Variants in NBPF15 observed in about 807,000 individuals in gnomAD.
NBPF15 encodes NBPF member 15, also known as NBPF family member NBPF15.
Under a neutral mutation model 62.2 loss-of-function variants are expected in NBPF15, and 74 were observed. The observed-to-expected ratio is 1.19, with a 90% CI of 0.99 to 1.44. The LOEUF is 1.44. Among genes scored for constraint, NBPF15 ranks in the 40% most tolerant of loss-of-function variants. The probability of loss-of-function intolerance (pLI) is 0.00; values close to 1 mark genes in which losing one functional copy is unlikely to be tolerated. For synonymous variants in NBPF15, 244 were observed against 209.7 expected, an observed-to-expected ratio of 1.16 and a Z score of -1.41; for missense variants, 790 against 550.0, an observed-to-expected ratio of 1.44 and a Z score of -4.36.
intron 6 of NBPF15, among the ~76,000 whole-genome samples, chr1:144,445,819 G>A (rs112920183): frequency 7.0e-6 from 1 of 143,452 alleles, no homozygotes; most frequent in Admixed American, 6.9e-5. Context: ...GTAGTTTTTG[G>A]TGTACTGGCC....
chr1:144,440,059 C>A (rs1294951343), intron 7 of NBPF15, 21 bp from the exon 8 acceptor site: 13 of 1,561,600 alleles, frequency 8.3e-6, no homozygotes, highest in Non-Finnish European at 1.1e-5. Flanking sequence ...GAAACCCAAA[C>A]ATATGATGGG....
At chr1:144,451,335 C>A (rs1422103845) in intron 4 of NBPF15, among the ~76,000 whole-genome samples, 5 of 151,888 alleles carry the variant, frequency 3.3e-5, no homozygotes, top group Admixed American at 6.6e-5. Flanking sequence ...GGGCTTTACA[C>A]CGAGACATTC....
At chr1:144,458,681 C>A (rs368750845) in intron 3 of NBPF15, among the ~76,000 whole-genome samples, 2 of 151,534 alleles carry the variant, frequency 1.3e-5, no homozygotes, top group Non-Finnish European at 2.9e-5. Flanking sequence ...CCAAACAGTG[C>A]AGAAGGAAAA....
intron 20 of NBPF15, among the ~76,000 whole-genome samples, 177 bp from the exon 21 acceptor site, chr1:144,424,152 C>G (rs1322615388): frequency 6.6e-6 from 1 of 152,022 alleles, no homozygotes; most frequent in Non-Finnish European, 1.5e-5. Context: ...CTCAGTTTTT[C>G]TCCCAGAAAC....
intron 6 of NBPF15, among the ~76,000 whole-genome samples, chr1:144,445,352 TATACAC>T (rs1431067101): frequency 6.9e-5 from 8 of 115,166 alleles, no homozygotes; most frequent in South Asian, 2.8e-4. Flanking sequence ...TATATATATA[TATACAC>T]ACACACACAC....
At position 144,426,382 on chromosome 1, in the gene NBPF15, G is replaced by A. The variant is rs782009342; in HGVS notation, c.1334C>T (p.Ser445Leu). The stretch of plus-strand genomic sequence containing the variant: ...CAGTTCAAGATAATCTGAAGGAGTC[G>A]AATAACATCTATCCAGTGAGTCCTG... ...VLQDSLDRCY[S>L]TPSDYLELPD... Residue 445 changes from serine to leucine, a missense_variant, in exon 18 of 22, where the codon TCG (serine) becomes TTG (leucine). Transcript: ENST00000581897. 66 of 838,702 alleles carry A rather than the reference G, an allele frequency of 7.9e-5. No individual in the cohort carries two copies. The highest frequency in any genetic ancestry group is 7.1e-4 in the Admixed American group (42 of 58,900). 52.0% of individuals were successfully genotyped at this position (838,702 alleles called of 1,614,324 possible).
At position 144,428,094 on chromosome 1, in the gene NBPF15, A is replaced by C. The variant is rs1347399108; in HGVS notation, c.1041-104T>G. ...CATAAGGAAGAGTTTGAAAAGAAAAAGGACAGATCCATTAATGAGGTAACA... is the reference window on the plus strand; with the variant it reads ...CATAAGGAAGAGTTTGAAAAGAAAACGGACAGATCCATTAATGAGGTAACA... On this transcript the variant is annotated intron_variant, in intron 15 of 21. Coordinates refer to ENST00000581897, the MANE Select transcript of NBPF15 (RefSeq NM_001385408.1). 1.6e-5 allele frequency: 12 copies of C among 729,794 alleles called. 1 individual carries two copies. The highest frequency in any genetic ancestry group is 1.5e-4 in the East Asian group (6 of 39,042). The allele number at this position is 729,794 out of a possible 1,614,324, so 45.2% of individuals were successfully genotyped here.
rs1490187288 is a variant in NBPF15, at chr1:144,452,024, C to T, written c.-431-1154G>A. Among the ~76,000 whole-genome samples, 16 of 151,260 alleles carry T rather than the reference C, an allele frequency of 1.1e-4. 1 individual carries two copies. The highest frequency in any genetic ancestry group is 2.0e-4 in the Admixed American group (3 of 15,198). On this transcript the variant is annotated intron_variant, in intron 4 of 21. Transcript: ENST00000581897. ...AACATTAGCCAGGTGTGGTAGCAGG[C>T]GCCTGTAATCCCAGCTATTCAGGAG... is the stretch of plus-strand genomic sequence containing the variant.
intron 5 of NBPF15, among the ~76,000 whole-genome samples, chr1:144,449,461 G>T (rs1390723480): frequency 6.7e-6 from 1 of 149,374 alleles, no homozygotes; most frequent in Non-Finnish European, 1.5e-5. Flanking sequence ...TACAAGAATG[G>T]ATCAATAAAC....
chr1:144,436,751 C>A, intron 10 of NBPF15, 144 bp downstream of exon 10: 1 of 1,113,422 alleles, frequency 9.0e-7, no homozygotes, highest in Non-Finnish European at 1.3e-6. Flanking sequence ...TCCGTTCTTA[C>A]CCAAGAAGTC....
intron 14 of NBPF15, among the ~76,000 whole-genome samples, chr1:144,429,041 CAG>C (rs1338145594): frequency 2.0e-5 from 3 of 151,892 alleles, no homozygotes; most frequent in East Asian, 3.9e-4. Context: ...ATTGTGGACA[CAG>C]AGATTTGATG....
At chr1:144,446,149 A>C (rs200660392) in intron 6 of NBPF15, among the ~76,000 whole-genome samples, 2 of 151,856 alleles carry the variant, frequency 1.3e-5, no homozygotes, top group Admixed American at 1.3e-4. Flanking sequence ...CACGGTGCCC[A>C]GTCTGTTGAA....
In NBPF15 at chr1:144,427,919, G is replaced by A. The variant is rs782615586; in HGVS notation, c.1112C>T (p.Thr371Ile). ...AGTCAGTTCAAGACAACCTGAAGGA[G>A]TTGAATAACATCTATCCAGTGAGTC... ...LQDSLDRCYS[T>I]PSGCLELTDS... Residue 371 changes from threonine to isoleucine, a missense_variant, in exon 16 of 22, where the codon ACT becomes ATT. Transcript: ENST00000581897. 5.5e-6 allele frequency: 4 copies of A among 728,738 alleles called. No homozygotes were observed. Among genetic ancestry groups the A allele is most frequent in the African/African-American group, 3.5e-5 (2 of 56,518 alleles). 45.1% of individuals were successfully genotyped at this position (728,738 alleles called of 1,614,324 possible). A position where few individuals can be genotyped will look rare whatever the true frequency, so the allele number is the denominator to read the frequency against.
At chr1:144,457,562 A>G (rs1291910616) in intron 3 of NBPF15, among the ~76,000 whole-genome samples, 1 of 152,000 alleles carries the variant, frequency 6.6e-6, no homozygotes, top group African/African-American at 2.4e-5. Context: ...ATGTTCCTTC[A>G]TTCATTCCTT....
At position 144,422,891 on chromosome 1, in the gene NBPF15, G is replaced by A; in HGVS notation, c.*122C>T. 5 of 1,603,422 alleles carry A rather than the reference G, an allele frequency of 3.1e-6. No homozygotes were observed. Among genetic ancestry groups the A allele is most frequent in the South Asian group, 1.1e-5 (1 of 88,970 alleles). On this transcript the variant is annotated 3_prime_UTR_variant, in exon 22 of 22. Transcript: ENST00000581897. ...GGCATGGTTTGAGAATAGGAATAGA[G>A]CCATGCTCACTGACCCATCCTATGT...
At chr1:144,431,656 C>A (rs1674433076) in intron 13 of NBPF15, among the ~76,000 whole-genome samples, 1 of 102,888 alleles carries the variant, frequency 9.7e-6, no homozygotes, top group Non-Finnish European at 1.9e-5. Context: ...CCCCACCCTA[C>A]AACAGGCCCC....
Position 144,431,332 on chromosome 1 carries a change from G to A in NBPF15, c.825-1469C>T, listed in dbSNP as rs1324493119. ...CTAAGGGCAGCCAGAGAGAAAGGTCGGATTACCCACAAAGGGAAGCCCATC... is the reference window on the plus strand; with the variant it reads ...CTAAGGGCAGCCAGAGAGAAAGGTCAGATTACCCACAAAGGGAAGCCCATC... On this transcript the variant is annotated intron_variant, in intron 13 of 21. Transcript: ENST00000581897. Among the ~76,000 whole-genome samples the A allele has an allele frequency of 3.6e-4, 54 of 149,802 alleles. 2 individuals carry two copies. Among genetic ancestry groups the A allele is most frequent in the Middle Eastern group, 6.8e-3 (2 of 292 alleles).
At chr1:144,455,472 T>A (rs587771373) in intron 4 of NBPF15, among the ~76,000 whole-genome samples, 14 of 152,106 alleles carry the variant, frequency 9.2e-5, no homozygotes, top group Non-Finnish European at 1.3e-4. Flanking sequence ...TGAAACACAT[T>A]ATTCCTCTGG....
intron 6 of NBPF15, among the ~76,000 whole-genome samples, chr1:144,446,147 C>A (rs1186716010): frequency 6.6e-6 from 1 of 151,740 alleles, no homozygotes; most frequent in Non-Finnish European, 1.5e-5. Context: ...GCCACGGTGC[C>A]CAGTCTGTTG....
Sources: gnomAD v4.1 joint callset for allele counts (sites outside exome capture counted in the v4.1 genomes callset) on GRCh38, gnomAD v4.1.1 for gene constraint, MANE v1.5 for transcripts, NCBI Gene and HGNC (gene_info 2026-07-23, HGNC 2026-07-21) for gene names.